The following PRDX4 variants were observed in gnomAD, a reference collection of about 807,000 sequenced individuals.
PRDX4 encodes peroxiredoxin-4.
Under a neutral mutation model 20.5 loss-of-function variants are expected in PRDX4, and 12 were observed. The observed-to-expected ratio is 0.58, with a 90% CI of 0.37 to 0.95. The LOEUF (loss-of-function observed/expected upper bound fraction) is 0.95. Ranked by LOEUF, PRDX4 falls within the 40% of genes least tolerant of loss-of-function variation. The probability of loss-of-function intolerance (pLI) is 0.01; values close to 1 mark genes in which losing one functional copy is unlikely to be tolerated. For missense variants in PRDX4, 180 were observed against 207.3 expected (o/e 0.87, Z 0.81); for synonymous variants, 99 against 87.5 (o/e 1.13, Z -0.73).
chrX:23,684,788 C>T (rs1275772365), intron 6 of PRDX4, among the ~76,000 whole-genome samples: 2 of 111,210 alleles, frequency 1.8e-5, no homozygotes, highest in Admixed American at 1.9e-4. Flanking sequence ...AGGCATGAGG[C>T]ACCGCTCCTG....
chrX:23,679,296 C>A lies in PRDX4; in HGVS notation c.599+9C>A, dbSNP rs775643951. 3 of 1,186,429 alleles carry A rather than the reference C, an allele frequency of 2.5e-6. No homozygotes were observed. In the African/African-American group the frequency reaches 5.3e-5, roughly 21 times the overall value. On this transcript the variant is annotated intron_variant, in intron 4 of 6. Coordinates refer to ENST00000379341, the MANE Select transcript of PRDX4 (RefSeq NM_006406.2). ...TCAGGCCACACTCTTAGGTACCTTT[C>A]AGTGGTTTTATATTATGACAAATCC...
intron 4 of PRDX4, 39 bp downstream of exon 4, chrX:23,679,326 G>A (rs1225962084): frequency 5.3e-6 from 6 of 1,132,656 alleles, no homozygotes; most frequent in Middle Eastern, 2.5e-4. Flanking sequence ...AAATCCAAGC[G>A]TGTTTATAAT....
intron 1 of PRDX4, among the ~76,000 whole-genome samples, chrX:23,670,113 C>T (rs767110462): frequency 1.8e-4 from 20 of 110,562 alleles, no homozygotes; most frequent in Non-Finnish European, 2.3e-4. Context: ...TTAATAAATG[C>T]AAGGGATTGC....
At chrX:23,684,470 C>A (rs775600381) in intron 6 of PRDX4, among the ~76,000 whole-genome samples, 1 of 111,051 alleles carries the variant, frequency 9.0e-6, no homozygotes, top group African/African-American at 3.3e-5. Flanking sequence ...AAGATTGAAA[C>A]ACGTATATTC....
intron 4 of PRDX4, 118 bp downstream of exon 4, chrX:23,679,405 C>G: frequency 1.2e-6 from 1 of 851,433 alleles, no homozygotes; most frequent in South Asian, 2.8e-5. Context: ...AATTTTGAGG[C>G]CAGGCACGGT....
At chrX:23,683,760 G>C (rs1421711397) in intron 6 of PRDX4, 55 bp downstream of exon 6, 1 of 1,079,659 alleles carries the variant, frequency 9.3e-7, no homozygotes, top group African/African-American at 1.9e-5. Flanking sequence ...TGAAAAAAAT[G>C]CTGGCCGGGC....
intron 4 of PRDX4, among the ~76,000 whole-genome samples, chrX:23,681,181 C>T (rs1456141552): frequency 2.7e-5 from 3 of 111,234 alleles, no homozygotes; most frequent in East Asian, 2.8e-4. Context: ...TGCAGTGAGC[C>T]GAGATCGCGC....
At chrX:23,685,811 T>G (rs184278765) in intron 6 of PRDX4, among the ~76,000 whole-genome samples, 255 of 105,140 alleles carry the variant, frequency 2.4e-3, no homozygotes, top group African/African-American at 8.0e-3. Flanking sequence ...TGAGTTTGGG[T>G]TTTTTTTTTG....
intron 1 of PRDX4, among the ~76,000 whole-genome samples, chrX:23,670,342 C>T (rs1205027927): frequency 7.1e-5 from 8 of 111,952 alleles, no homozygotes; most frequent in Non-Finnish European, 1.3e-4. Context: ...TAATTGAATA[C>T]TCTTCTGCTG....
At chrX:23,681,915 C>T (rs1309937301) in intron 4 of PRDX4, among the ~76,000 whole-genome samples, 1 of 111,232 alleles carries the variant, frequency 9.0e-6, no homozygotes, top group Non-Finnish European at 1.9e-5. Context: ...GTGGCACACA[C>T]CTGTAGTCCC....
chrX:23,681,165 G>A (rs184156291), intron 4 of PRDX4, among the ~76,000 whole-genome samples: 1 of 111,443 alleles, frequency 9.0e-6, no homozygotes, highest in African/African-American at 3.3e-5. Context: ...CCTGGGGGGC[G>A]GAGTCTGCAG....
At position 23,679,265 on chromosome X, in the gene PRDX4, G is replaced by C; in HGVS notation, c.577G>C (p.Glu193Gln). 8.3e-7 allele frequency: 1 copy of C among 1,206,136 alleles called. No individual in the cohort carries two copies. Among genetic ancestry groups the C allele is most frequent in the Non-Finnish European group, 1.1e-6 (1 of 892,047 alleles). Residue 193 changes from glutamate to glutamine, a missense_variant, in exon 4 of 7, where the codon GAG becomes CAG. Physicochemically the swap from Glu to Gln is conservative, Grantham distance 29. Transcript: ENST00000379341. ...QISKDYGVYL[E>Q]DSGHTLRGLF... ...CTCAAAGGACTATGGTGTATACCTA[G>C]AGGACTCAGGCCACACTCTTAGGTA...
chrX:23,671,507 A>C, intron 1 of PRDX4, 22 bp from the exon 2 acceptor site: 1 of 1,116,067 alleles, frequency 9.0e-7, no homozygotes, highest in Non-Finnish European at 1.2e-6. Flanking sequence ...GTTACAGAAC[A>C]TCATGTATTT....
chrX:23,684,261 G>A (rs769704900), intron 6 of PRDX4, among the ~76,000 whole-genome samples: 77 of 104,921 alleles, frequency 7.3e-4, no homozygotes, highest in African/African-American at 2.6e-3. Context: ...TACACCGTTC[G>A]AAAAAAAAAA....
rs1279254314 is a variant in PRDX4, at chrX:23,667,567, G to A, written c.-4G>A. 3 of 1,180,777 alleles carry A rather than the reference G, an allele frequency of 2.5e-6. No individual in the cohort carries two copies. Among genetic ancestry groups the A allele is most frequent in the Non-Finnish European group, 1.1e-6 (1 of 880,416 alleles). On this transcript the variant is annotated 5_prime_UTR_variant, in exon 1 of 7. Transcript: ENST00000379341. ...AAGGGACGTGTTTCTGCGCTCGCGT[G>A]GTCATGGAGGCGCTGCCGCTGCTAG...
chrX:23,682,839 A>T (rs1928101240), intron 5 of PRDX4, among the ~76,000 whole-genome samples: 2 of 46,942 alleles, frequency 4.3e-5, no homozygotes, highest in Non-Finnish European at 8.5e-5. Context: ...AAAAAAAAAA[A>T]AAAAAAAAAA....
In PRDX4 at chrX:23,684,047, C is replaced by CAAAAAA. The variant is rs3063544; in HGVS notation, c.765+356_765+361dup. Among the ~76,000 whole-genome samples, 305 of 58,049 alleles carry CAAAAAA rather than the reference C, an allele frequency of 5.3e-3. 8 individuals carry two copies. The highest frequency in any genetic ancestry group is 0.015 in the African/African-American group (218 of 14,656). The allele number at this position is 58,049 out of a possible 115,157, so 50.4% of individuals were successfully genotyped here. ...TGGGCGACAGAGCAAGACTCCTTCT[C>CAAAAAA]AAAAAAAAAAAAAAAAAAATGCTAA... On this transcript the variant is annotated intron_variant, in intron 6 of 6. Coordinates refer to ENST00000379341, the MANE Select transcript of PRDX4 (RefSeq NM_006406.2).
intron 2 of PRDX4, among the ~76,000 whole-genome samples, chrX:23,673,091 CAGA>C (rs1307228734): frequency 9.0e-6 from 1 of 111,485 alleles, no homozygotes; most frequent in African/African-American, 3.3e-5. Context: ...GTTATAAAAC[CAGA>C]AGGTTAACAT....
chrX:23,676,136 C>CA lies in PRDX4; in HGVS notation c.476+1061dup, dbSNP rs55792240. 1.8e-3 allele frequency among the ~76,000 whole-genome samples: 100 copies of CA among 54,979 alleles called. 8 individuals carry two copies. The highest frequency in any genetic ancestry group is 7.4e-3 in the East Asian group (13 of 1,756). 47.7% of individuals were successfully genotyped at this position (54,979 alleles called of 115,157 possible). Reference sequence around the variant, plus strand: ...GGGCAATGAGAGTGAAACTCCATCTCAAAAAAAAAAAAAAAAAAAAAAAAA... The same window carrying CA: ...GGGCAATGAGAGTGAAACTCCATCTCAAAAAAAAAAAAAAAAAAAAAAAAAA... On this transcript the variant is annotated intron_variant, in intron 3 of 6. Coordinates refer to ENST00000379341, the MANE Select transcript of PRDX4 (RefSeq NM_006406.2).
Sources: allele counts gnomAD v4.1 joint callset (sites outside exome capture counted in the v4.1 genomes callset), GRCh38; gene constraint gnomAD v4.1.1; transcripts MANE v1.5; gene names NCBI Gene and HGNC (gene_info 2026-07-23, HGNC 2026-07-21).